The following EDIL3 variants were observed in gnomAD, a reference collection of about 807,000 sequenced individuals.
EDIL3 encodes EGF-like repeat and discoidin I-like domain-containing protein 3.
EDIL3 carries 37 observed loss-of-function variants against 67.4 expected under a neutral mutation model. That is an observed-to-expected ratio of 0.55 (90% CI 0.42 to 0.72). The LOEUF (loss-of-function observed/expected upper bound fraction) is 0.72, where lower values mean the gene tolerates loss of function less well. Among genes scored for constraint, EDIL3 ranks in the 30% least tolerant of loss-of-function variants. EDIL3 has a pLI of 0.00. For synonymous variants in EDIL3, 195 were observed against 196.3 expected (o/e 0.99, Z 0.05); for missense variants, 527 against 586.3 (o/e 0.90, Z 1.04).
chr5:84,034,890 T>C (rs1392712667), intron 9 of EDIL3, among the ~76,000 whole-genome samples: 2 of 152,198 alleles, frequency 1.3e-5, no homozygotes, highest in Non-Finnish European at 2.9e-5. Flanking sequence ...GTCACTGATA[T>C]CGAGTCTCAC....
intron 6 of EDIL3, among the ~76,000 whole-genome samples, chr5:84,079,317 G>C (rs773652788): frequency 2.0e-5 from 3 of 152,260 alleles, no homozygotes; most frequent in Non-Finnish European, 4.4e-5. Flanking sequence ...TGAGGGTGTA[G>C]TGGGAACCCC....
chr5:84,107,296 C>T (rs1223901144), intron 5 of EDIL3, among the ~76,000 whole-genome samples: 1 of 151,884 alleles, frequency 6.6e-6, no homozygotes, highest in Non-Finnish European at 1.5e-5. Context: ...TTTCTCACTA[C>T]TATAAACTTT....
At chr5:84,118,555 A>G (rs1324577247) in intron 5 of EDIL3, among the ~76,000 whole-genome samples, 1 of 152,116 alleles carries the variant, frequency 6.6e-6, no homozygotes, top group Non-Finnish European at 1.5e-5. Flanking sequence ...ACTGTTCCTC[A>G]TTGGAATTTT....
chr5:84,124,888 A>G (rs184932095), intron 5 of EDIL3, among the ~76,000 whole-genome samples: 1 of 152,084 alleles, frequency 6.6e-6, no homozygotes, highest in Admixed American at 6.6e-5. Flanking sequence ...CAGTTGAATA[A>G]TACTAAATGA....
chr5:84,235,711 C>T (rs1021743907), intron 2 of EDIL3, among the ~76,000 whole-genome samples: 2 of 152,026 alleles, frequency 1.3e-5, no homozygotes, highest in African/African-American at 2.4e-5. Flanking sequence ...TCAGCTGCTT[C>T]ATTTTGTAAT....
intron 6 of EDIL3, 59 bp downstream of exon 6, chr5:84,106,590 T>C: frequency 1.4e-6 from 2 of 1,477,920 alleles, no homozygotes; most frequent in Non-Finnish European, 9.0e-7. Flanking sequence ...CTTTTTAAAA[T>C]GACCAGAATC....
At chr5:84,102,153 C>T (rs570257007) in intron 6 of EDIL3, among the ~76,000 whole-genome samples, 1 of 152,026 alleles carries the variant, frequency 6.6e-6, no homozygotes, top group Middle Eastern at 3.4e-3. Flanking sequence ...AAACTTGGTA[C>T]TGAAAGAACA....
chr5:84,124,794 C>CA (rs1487874923), intron 5 of EDIL3, among the ~76,000 whole-genome samples: 1 of 151,824 alleles, frequency 6.6e-6, no homozygotes, highest in Non-Finnish European at 1.5e-5. Flanking sequence ...ATGAACTCAC[C>CA]AAAGCTCCTA....
rs140087881 is a variant in EDIL3, at chr5:84,028,076, T to A, written c.1137+32224A>T. ...CGTTTTTTCCTAAATTAAGATTTCT[T>A]TTTTTGGTGACTGCATTGTGAAATG... On this transcript the variant is annotated intron_variant, in intron 9 of 10. Coordinates refer to ENST00000296591, the MANE Select transcript of EDIL3 (RefSeq NM_005711.5). Among the ~76,000 whole-genome samples the A allele has an allele frequency of 6.4e-3, 980 of 152,274 alleles. 14 individuals carry two copies. Among genetic ancestry groups the A allele is most frequent in the African/African-American group, 0.022 (903 of 41,554 alleles).
intron 5 of EDIL3, among the ~76,000 whole-genome samples, chr5:84,134,866 C>A (rs1011524809): frequency 6.6e-6 from 1 of 152,124 alleles, no homozygotes; most frequent in South Asian, 2.1e-4. Context: ...TGAAGGGAGG[C>A]ATGCCACTAT....
chr5:84,367,818 A>G (rs1747771845), intron 1 of EDIL3, among the ~76,000 whole-genome samples: 1 of 152,142 alleles, frequency 6.6e-6, no homozygotes. Context: ...CCAACTAGAT[A>G]ATTTGCTTGT....
chr5:84,247,835 GA>G lies in EDIL3; in HGVS notation c.196+6248del, dbSNP rs569639625. 2.3e-3 allele frequency among the ~76,000 whole-genome samples: 350 copies of G among 151,914 alleles called. 1 individual carries two copies. Among genetic ancestry groups the G allele is most frequent in the Non-Finnish European group, 3.9e-3 (265 of 67,924 alleles). On this transcript the variant is annotated intron_variant, in intron 2 of 10. Coordinates refer to ENST00000296591, the MANE Select transcript of EDIL3 (RefSeq NM_005711.5). ...GGCCAGATGTCAATGTAATTACAGA[GA>G]AGATAAAAAGAAATTATAAATAAAA...
intron 9 of EDIL3, among the ~76,000 whole-genome samples, chr5:84,024,193 C>T (rs773074530): frequency 2.6e-5 from 4 of 152,110 alleles, no homozygotes; most frequent in South Asian, 2.1e-4. Flanking sequence ...CATAGAAAAT[C>T]GCTCTCCAAG....
chr5:84,320,756 T>C (rs1430727204), intron 1 of EDIL3, among the ~76,000 whole-genome samples: 2 of 152,182 alleles, frequency 1.3e-5, no homozygotes, highest in Admixed American at 6.5e-5. Flanking sequence ...CAAGCCATCT[T>C]ATACTAAATA....
Position 84,319,198 on chromosome 5 carries a change from C to T in EDIL3, c.68-64986G>A, listed in dbSNP as rs537068400. On this transcript the variant is annotated intron_variant, in intron 1 of 10. Coordinates refer to ENST00000296591, the MANE Select transcript of EDIL3 (RefSeq NM_005711.5). ...GAAGAAATAGGAATGCTTGGCCGGGCGCGGTGGCTCACGCCTGTAATCCCA... is the reference window on the plus strand; with the variant it reads ...GAAGAAATAGGAATGCTTGGCCGGGTGCGGTGGCTCACGCCTGTAATCCCA... Among the ~76,000 whole-genome samples the T allele has an allele frequency of 8.9e-5, 5 of 56,368 alleles. 2 individuals are homozygous for T. The highest frequency in any genetic ancestry group is 1.4e-3 in the South Asian group (2 of 1,392). 37.0% of individuals were successfully genotyped at this position (56,368 alleles called of 152,430 possible). A position where few individuals can be genotyped will look rare whatever the true frequency, so the allele number is the denominator to read the frequency against.
intron 10 of EDIL3, among the ~76,000 whole-genome samples, chr5:83,959,371 A>G (rs1013035881): frequency 3.3e-5 from 5 of 150,856 alleles, no homozygotes; most frequent in Non-Finnish European, 7.4e-5. Flanking sequence ...TTTTCAGATT[A>G]CTTTTCTGAA....
intron 1 of EDIL3, among the ~76,000 whole-genome samples, chr5:84,266,171 G>A (rs908863559): frequency 2.6e-5 from 4 of 152,166 alleles, no homozygotes; most frequent in African/African-American, 7.2e-5. Flanking sequence ...AACTCTTTAA[G>A]AACTTGAATA....
At chr5:84,300,270 C>A (rs1028127301) in intron 1 of EDIL3, among the ~76,000 whole-genome samples, 28 of 152,264 alleles carry the variant, frequency 1.8e-4, no homozygotes, top group African/African-American at 6.3e-4. Context: ...TAATCACATC[C>A]CCTCTCCTCT....
At chr5:84,174,715 T>C (rs971395677) in intron 4 of EDIL3, among the ~76,000 whole-genome samples, 1 of 152,120 alleles carries the variant, frequency 6.6e-6, no homozygotes, top group African/African-American at 2.4e-5. Context: ...GACGGACTGT[T>C]GGGTCTATGG....
Sources: allele counts gnomAD v4.1 joint callset (sites outside exome capture counted in the v4.1 genomes callset), GRCh38; gene constraint gnomAD v4.1.1; transcripts MANE v1.5; gene names NCBI Gene and HGNC (gene_info 2026-07-23, HGNC 2026-07-21).